The following MEIS2 variants were observed in gnomAD, a reference collection of about 807,000 sequenced individuals.
MEIS2 encodes the protein homeobox protein Meis2.
In MEIS2, 9 loss-of-function variants were observed where a neutral mutation model predicts 58.6. The ratio of observed to expected loss-of-function variants is 0.15; its 90% CI spans 0.09 to 0.27. MEIS2 has a LOEUF of 0.27. Ranked by LOEUF, MEIS2 falls within the 10% of genes least tolerant of loss-of-function variation. MEIS2 has a pLI of 1.00. For missense variants in MEIS2, 427 were observed against 635.0 expected (o/e 0.67, Z 3.52); for synonymous variants, 221 against 228.4 (o/e 0.97, Z 0.29).
chr15:36,911,685 C>T (rs969913361), intron 9 of MEIS2, among the ~76,000 whole-genome samples: 24 of 152,256 alleles, frequency 1.6e-4, no homozygotes, highest in Admixed American at 7.9e-4. Flanking sequence ...GTCAGCCCGG[C>T]GAAGGGCTCT....
At chr15:37,038,705 C>T (rs1429258876) in intron 7 of MEIS2, among the ~76,000 whole-genome samples, 1 of 152,180 alleles carries the variant, frequency 6.6e-6, no homozygotes, top group Non-Finnish European at 1.5e-5. Flanking sequence ...AAGACCGAAT[C>T]AGTATACAGT....
intron 8 of MEIS2, among the ~76,000 whole-genome samples, chr15:37,000,418 CTCT>C (rs1409848808): frequency 2.6e-5 from 4 of 152,074 alleles, no homozygotes; most frequent in Non-Finnish European, 5.9e-5. Flanking sequence ...AGAAGATTTA[CTCT>C]TCATCTTTCT....
chr15:36,964,806 A>G (rs1203728064), intron 8 of MEIS2, among the ~76,000 whole-genome samples: 1 of 152,222 alleles, frequency 6.6e-6, no homozygotes, highest in Non-Finnish European at 1.5e-5. Flanking sequence ...CTATGGTGTC[A>G]TCAGGTCACA....
chr15:36,904,426 G>A (rs924289136), intron 9 of MEIS2, among the ~76,000 whole-genome samples: 1 of 150,724 alleles, frequency 6.6e-6, no homozygotes, highest in Non-Finnish European at 1.5e-5. Flanking sequence ...TATGAAAGAA[G>A]CCTTATTGTA....
intron 9 of MEIS2, among the ~76,000 whole-genome samples, chr15:36,925,821 A>G (rs1798796515): frequency 6.6e-6 from 1 of 152,130 alleles, no homozygotes; most frequent in South Asian, 2.1e-4. Flanking sequence ...CTGCTATTCC[A>G]GTGTGTGACA....
At chr15:36,896,249 T>C (rs2056169905) in intron 10 of MEIS2, among the ~76,000 whole-genome samples, 1 of 152,154 alleles carries the variant, frequency 6.6e-6, no homozygotes, top group Non-Finnish European at 1.5e-5. Context: ...TAACAGCAGA[T>C]GCTACAGAAA....
At chr15:37,085,104 C>T (rs192173262) in intron 6 of MEIS2, among the ~76,000 whole-genome samples, 147 of 152,102 alleles carry the variant, frequency 9.7e-4, no homozygotes, top group African/African-American at 3.4e-3. Flanking sequence ...ACAAAGTATA[C>T]ACCAATCGAA....
intron 3 of MEIS2, 123 bp downstream of exon 3, chr15:37,096,166 G>A (rs1894214417): frequency 9.1e-7 from 1 of 1,103,976 alleles, no homozygotes; most frequent in African/African-American, 1.6e-5. Flanking sequence ...GGCGTAGAGA[G>A]CGGACTGGGC....
At chr15:37,081,646 A>G (rs1486094726) in intron 7 of MEIS2, among the ~76,000 whole-genome samples, 1 of 152,164 alleles carries the variant, frequency 6.6e-6, no homozygotes, top group African/African-American at 2.4e-5. Flanking sequence ...GAAATTTTCT[A>G]TGCCAAAATA....
chr15:36,908,837 G>T (rs1363314547), intron 9 of MEIS2, among the ~76,000 whole-genome samples: 1 of 152,060 alleles, frequency 6.6e-6, no homozygotes, highest in Non-Finnish European at 1.5e-5. Context: ...TACTCGGGAG[G>T]CTGAGGCAGG....
chr15:36,971,887 C>A (rs976263136), intron 8 of MEIS2, among the ~76,000 whole-genome samples: 5 of 152,084 alleles, frequency 3.3e-5, no homozygotes, highest in African/African-American at 4.8e-5. Flanking sequence ...TCTATTGCTG[C>A]AAAATGGAAA....
chr15:36,904,288 ACGCTCACCTTTCC>A (rs2056616340), intron 9 of MEIS2, among the ~76,000 whole-genome samples: 1 of 152,012 alleles, frequency 6.6e-6, no homozygotes, highest in South Asian at 2.1e-4. Flanking sequence ...ATCTCCTTTG[ACGCTCACCTTTCC>A]CCCTCCCCTT....
intron 9 of MEIS2, among the ~76,000 whole-genome samples, chr15:36,937,432 T>C (rs2058217517): frequency 6.6e-6 from 1 of 152,184 alleles, no homozygotes; most frequent in South Asian, 2.1e-4. Flanking sequence ...GGTATCTACC[T>C]TGCAAGAAGG....
At chr15:36,914,956 G>T (rs1277150686) in intron 9 of MEIS2, among the ~76,000 whole-genome samples, 1 of 152,160 alleles carries the variant, frequency 6.6e-6, no homozygotes, top group Non-Finnish European at 1.5e-5. Context: ...CAAATAAATT[G>T]AAATAGGCTA....
chr15:37,072,015 T>C lies in MEIS2; in HGVS notation c.754+11756A>G, dbSNP rs1692885049. Among the ~76,000 whole-genome samples, 4 of 152,226 alleles carry C rather than the reference T, an allele frequency of 2.6e-5. No homozygotes were observed. The Middle Eastern group carries it at 0.01, about 388-fold the overall frequency. ...ACTGAGGGAGAGACCTGCATGTTAC[T>C]GTGGACTTTGTCCTCTTCCTTTCTC... On this transcript the variant is annotated intron_variant, in intron 7 of 11. Transcript: ENST00000561208.
chr15:37,097,894 T>C, intron 2 of MEIS2, 73 bp downstream of exon 2: 1 of 1,487,380 alleles, frequency 6.7e-7, no homozygotes, highest in East Asian at 2.4e-5. Context: ...TCGTCCACCT[T>C]CCCACCCCCA....
At chr15:37,099,069 G>A (rs1019543701) in intron 1 of MEIS2, 1 of 986,264 alleles carries the variant, frequency 1.0e-6, no homozygotes, top group Non-Finnish European at 1.2e-6. Context: ...CGAGCCGCGC[G>A]AGCCACGGCG....
chr15:36,988,709 A>G (rs765518219), intron 8 of MEIS2, among the ~76,000 whole-genome samples: 26 of 152,324 alleles, frequency 1.7e-4, no homozygotes, highest in Non-Finnish European at 2.6e-4. Flanking sequence ...ACCATCAACC[A>G]TTCTTTCATA....
intron 8 of MEIS2, among the ~76,000 whole-genome samples, chr15:36,971,586 G>A (rs1001172350): frequency 3.2e-5 from 4 of 123,320 alleles, no homozygotes; most frequent in African/African-American, 1.3e-4. Context: ...GTGATAGCAA[G>A]CATTCCATTT....
Sources: allele counts gnomAD v4.1 joint callset (sites outside exome capture counted in the v4.1 genomes callset), GRCh38; gene constraint gnomAD v4.1.1; transcripts MANE v1.5; gene names NCBI Gene and HGNC (gene_info 2026-07-23, HGNC 2026-07-21).